LIMS4: variants seen among roughly 807,000 people sequenced by gnomAD.
LIMS4 encodes the protein LIM zinc finger domain containing 4, also known as LIM and senescent cell antigen-like-containing domain protein 4.
chr2:110,433,801 TA>T, the LIMS4 span: 23 of 74,684 alleles, frequency 3.1e-4, no homozygotes, highest in Non-Finnish European at 4.1e-4. Flanking sequence ...TTAAAAAAGA[TA>T]AATATGTTCA....
At chr2:110,407,439 A>G in the LIMS4 span, among the ~76,000 whole-genome samples, 7,478 of 19,896 alleles carry the variant, frequency 0.38, 45 homozygotes, top group East Asian at 0.47. Context: ...TGGACAGGAC[A>G]AAAAAGCCTT....
chr2:110,425,122 C>T, the LIMS4 span, among the ~76,000 whole-genome samples: 8,572 of 130,210 alleles, frequency 0.066, 1,404 homozygotes, highest in African/African-American at 0.27. Context: ...GCTTCATTCT[C>T]GAAGACCAGG....
At chr2:110,372,866 A>G in the LIMS4 span, among the ~76,000 whole-genome samples, 1 of 143,518 alleles carries the variant, frequency 7.0e-6, no homozygotes, top group Non-Finnish European at 1.5e-5. Flanking sequence ...AATGTGCCAA[A>G]TCTCGCAGTC....
the LIMS4 span, among the ~76,000 whole-genome samples, chr2:110,366,706 A>G: frequency 1.3e-5 from 2 of 152,186 alleles, no homozygotes; most frequent in Non-Finnish European, 2.9e-5. Flanking sequence ...ATCAGGCAAG[A>G]GAAAGAAGTA....
chr2:110,411,458 G>C, the LIMS4 span, among the ~76,000 whole-genome samples: 1 of 136,136 alleles, frequency 7.3e-6, no homozygotes, highest in African/African-American at 3.1e-5. Context: ...TGACATTGAG[G>C]CTTTTTAAAA....
the LIMS4 span, among the ~76,000 whole-genome samples, chr2:110,390,949 A>G: frequency 3.3e-5 from 5 of 152,296 alleles, no homozygotes; most frequent in Non-Finnish European, 5.9e-5. Flanking sequence ...GGGCCACTTC[A>G]TGGTGGGGGG....
At chr2:110,411,813 G>A in the LIMS4 span, among the ~76,000 whole-genome samples, 51 of 57,460 alleles carry the variant, frequency 8.9e-4, no homozygotes, top group Non-Finnish European at 1.4e-3. Context: ...TTACACTAAC[G>A]TTTCAAAGCT....
the LIMS4 span, among the ~76,000 whole-genome samples, chr2:110,424,996 C>G: frequency 9.0e-5 from 13 of 144,064 alleles, 2 homozygotes; most frequent in Non-Finnish European, 1.8e-4. Context: ...GCGACAACTG[C>G]TTGGGTCCCG....
At chr2:110,386,169 CA>C in the LIMS4 span, among the ~76,000 whole-genome samples, 4 of 103,422 alleles carry the variant, frequency 3.9e-5, no homozygotes, top group Non-Finnish European at 7.3e-5. Flanking sequence ...GCCTGGGCAA[CA>C]AGAATGAAAC....
the LIMS4 span, among the ~76,000 whole-genome samples, chr2:110,365,212 AC>A: frequency 2.0e-5 from 3 of 146,546 alleles, no homozygotes; most frequent in African/African-American, 8.1e-5. Context: ...AGAATTCCCC[AC>A]CCCAAAACAA....
chr2:110,392,237 A>G, the LIMS4 span, among the ~76,000 whole-genome samples: 1 of 151,304 alleles, frequency 6.6e-6, no homozygotes, highest in Non-Finnish European at 1.5e-5. Context: ...TCTGGGTTGT[A>G]GGTGGAGTAA....
chr2:110,359,662 T>G, the LIMS4 span, among the ~76,000 whole-genome samples: 1 of 102,654 alleles, frequency 9.7e-6, no homozygotes, highest in Admixed American at 1.2e-4. Context: ...CTGATTTTTT[T>G]TTCTATCAAG....
the LIMS4 span, among the ~76,000 whole-genome samples, chr2:110,424,555 C>T: frequency 6.9e-6 from 1 of 144,928 alleles, no homozygotes; most frequent in Non-Finnish European, 1.5e-5. Context: ...TCACTGACTC[C>T]TCCCAGAGGA....
chr2:110,387,473 C>T, the LIMS4 span: 1 of 449,268 alleles, frequency 2.2e-6, no homozygotes, highest in East Asian at 3.9e-5. Flanking sequence ...AAACCTTGAT[C>T]CATTTTATAA....
the LIMS4 span, among the ~76,000 whole-genome samples, chr2:110,427,182 ATTTG>A: frequency 7.7e-6 from 1 of 130,602 alleles, no homozygotes; most frequent in Non-Finnish European, 1.5e-5. Flanking sequence ...TGATGGGATT[ATTTG>A]TTTTTTTCTT....
At chr2:110,425,306 G>A in the LIMS4 span, among the ~76,000 whole-genome samples, 1 of 142,384 alleles carries the variant, frequency 7.0e-6, no homozygotes, top group African/African-American at 2.9e-5. Context: ...CTTGAGCTTA[G>A]GAGGTTGAGG....
the LIMS4 span, among the ~76,000 whole-genome samples, chr2:110,366,930 T>C: frequency 6.8e-6 from 1 of 146,012 alleles, no homozygotes; most frequent in African/African-American, 2.6e-5. Flanking sequence ...AAGAATGCCA[T>C]TTAATTCACA....
the LIMS4 span, among the ~76,000 whole-genome samples, chr2:110,425,685 G>A: frequency 7.0e-6 from 1 of 142,260 alleles, no homozygotes; most frequent in African/African-American, 3.0e-5. Flanking sequence ...GCCTGGATGG[G>A]ACGCTGTTGC....
the LIMS4 span, among the ~76,000 whole-genome samples, chr2:110,392,000 C>G: frequency 1.1e-4 from 17 of 151,080 alleles, no homozygotes; most frequent in Admixed American, 7.2e-4. Context: ...ATTTGGGGTC[C>G]TCTTATCAGA....
Sources: allele counts gnomAD v4.1 joint callset (sites outside exome capture counted in the v4.1 genomes callset), GRCh38; gene constraint gnomAD v4.1.1; transcripts MANE v1.5; gene names NCBI Gene and HGNC (gene_info 2026-07-23, HGNC 2026-07-21).